The following ANKFN1 variants were observed in gnomAD, a reference collection of about 807,000 sequenced individuals.
ANKFN1 encodes ankyrin repeat and fibronectin type-III domain-containing protein 1.
Under a neutral mutation model 108.7 loss-of-function variants are expected in ANKFN1, and 74 were observed. The observed-to-expected ratio is 0.68, with a 90% CI of 0.56 to 0.83. The LOEUF (loss-of-function observed/expected upper bound fraction) is 0.83. Among genes scored for constraint, ANKFN1 ranks in the 40% least tolerant of loss-of-function variants. The pLI is 0.00. For synonymous variants in ANKFN1, 547 were observed against 516.2 expected (o/e 1.06, Z -0.81); for missense variants, 1,505 against 1,382.3 (o/e 1.09, Z -1.41).
intron 10 of ANKFN1, among the ~76,000 whole-genome samples, chr17:56,444,623 G>A (rs185517523): frequency 6.6e-6 from 1 of 152,190 alleles, no homozygotes; most frequent in East Asian, 1.9e-4. Context: ...TTTATATGGA[G>A]GGCATTAATC....
intron 5 of ANKFN1, among the ~76,000 whole-genome samples, chr17:56,351,854 AC>A (rs2046256313): frequency 6.6e-6 from 1 of 152,170 alleles, no homozygotes; most frequent in East Asian, 1.9e-4. Context: ...GAGTAATGGC[AC>A]CATTTGTTTG....
At chr17:56,442,192 A>T (rs907422656) in intron 9 of ANKFN1, among the ~76,000 whole-genome samples, 1 of 152,214 alleles carries the variant, frequency 6.6e-6, no homozygotes, top group South Asian at 2.1e-4. Flanking sequence ...TAATTTTTTT[A>T]AATGTGTATG....
At chr17:56,399,942 G>GAT (rs199737908) in intron 8 of ANKFN1, among the ~76,000 whole-genome samples, 7,349 of 143,610 alleles carry the variant, frequency 0.051, 415 homozygotes, top group African/African-American at 0.14. Context: ...TATATACAGT[G>GAT]ATATATATAT....
chr17:56,050,265 G>T lies in ANKFN1; in HGVS notation c.288+3940G>T, dbSNP rs1236595561. 4.4e-3 allele frequency among the ~76,000 whole-genome samples: 658 copies of T among 148,160 alleles called. 6 individuals are homozygous for T. Among genetic ancestry groups the T allele is most frequent in the Non-Finnish European group, 5.7e-3 (379 of 66,836 alleles). On this transcript the variant is annotated intron_variant, in intron 4 of 12. Transcript: ENST00000635860. ...TTTGTTTTTTTCTTGTAAATTTGTT[G>T]GAGTTCATTGTAGATTCTGGATATT...
chr17:56,212,834 A>G, intron 2 of ANKFN1, among the ~76,000 whole-genome samples, 155 bp downstream of exon 2: 1 of 152,124 alleles, frequency 6.6e-6, no homozygotes. Flanking sequence ...CATGGAATTT[A>G]GCTGGTGTTT....
rs749295307 is a variant in ANKFN1, at chr17:56,480,816, C to G, written c.2089C>G (p.Gln697Glu). ...TCAGCAGATCAATATACCTCTACAC[C>G]AGGTACTAGACTTTACCATTTTTAT... ...LLQQINIPLH[Q>E]ARNFRLYTQE... The change falls in exon 17 of 21, where the codon CAG becomes GAG. Residue 697 changes from glutamine (Q) to glutamate (E), a missense_variant and splice_region_variant. Physicochemically the swap from Gln to Glu is conservative, Grantham distance 29. Transcript: ENST00000682825. 2 of 1,613,378 alleles carry G rather than the reference C, an allele frequency of 1.2e-6. No homozygotes were observed. The highest frequency in any genetic ancestry group is 1.3e-5 in the African/African-American group (1 of 74,824).
At position 56,420,801 on chromosome 17, in the gene ANKFN1, G is replaced by A. The variant is rs192178891; in HGVS notation, c.911-19526G>A. On this transcript the variant is annotated intron_variant, in intron 8 of 20. Coordinates refer to ENST00000682825, the MANE Select transcript of ANKFN1 (RefSeq NM_001370326.1). The stretch of plus-strand genomic sequence containing the variant: ...CGGCTCACTGCAAGCTCTGCCTGCC[G>A]GGTTCATGCCATTCTCCTGCCTCAG... Among the ~76,000 whole-genome samples the A allele has an allele frequency of 5.4e-3, 810 of 151,172 alleles. 18 individuals are homozygous for A. The highest frequency in any genetic ancestry group is 3.1e-3 in the Non-Finnish European group (211 of 67,882).
chr17:56,143,802 G>A (rs1021031777), intron 4 of ANKFN1, among the ~76,000 whole-genome samples: 6 of 152,028 alleles, frequency 3.9e-5, no homozygotes, highest in Non-Finnish European at 5.9e-5. Context: ...TTGGAATTAC[G>A]CAGCTACAAG....
chr17:56,080,565 G>A (rs2143162951), intron 4 of ANKFN1, among the ~76,000 whole-genome samples: 1 of 152,296 alleles, frequency 6.6e-6, no homozygotes, highest in African/African-American at 2.4e-5. Context: ...TCCATTCTCA[G>A]AATGTTATAC....
chr17:56,447,925 T>C (rs138978721), intron 10 of ANKFN1, among the ~76,000 whole-genome samples: 152 of 152,352 alleles, frequency 1.0e-3, no homozygotes, highest in African/African-American at 3.5e-3. Flanking sequence ...TCAGAACCTA[T>C]GGTCCTCCTA....
intron 8 of ANKFN1, among the ~76,000 whole-genome samples, chr17:56,426,092 T>C (rs2068802926): frequency 6.6e-6 from 1 of 152,242 alleles, no homozygotes; most frequent in South Asian, 2.1e-4. Flanking sequence ...TTATGTTTAT[T>C]TGGAAGCTAT....
chr17:56,128,673 G>A (rs1354867110), intron 4 of ANKFN1, among the ~76,000 whole-genome samples: 1 of 152,160 alleles, frequency 6.6e-6, no homozygotes, highest in Admixed American at 6.5e-5. Flanking sequence ...ATTTCCCAAG[G>A]CAGTAGTAAA....
chr17:56,290,936 G>A (rs1011576626), intron 3 of ANKFN1, among the ~76,000 whole-genome samples: 6 of 152,154 alleles, frequency 3.9e-5, no homozygotes, highest in African/African-American at 1.2e-4. Context: ...TCCAAGCCAT[G>A]AGGGACTGGA....
intron 14 of ANKFN1, among the ~76,000 whole-genome samples, chr17:56,464,163 A>G (rs1407045146): frequency 1.3e-5 from 2 of 152,194 alleles, no homozygotes; most frequent in Non-Finnish European, 2.9e-5. Flanking sequence ...AAAGCTAGCT[A>G]TCCAACCTAA....
intron 9 of ANKFN1, among the ~76,000 whole-genome samples, chr17:56,441,742 A>G (rs1409350790): frequency 1.3e-5 from 2 of 152,258 alleles, no homozygotes; most frequent in East Asian, 3.8e-4. Context: ...AAATGCAGAC[A>G]CTATTGTAAT....
At chr17:56,280,947 A>G (rs1317962501) in intron 3 of ANKFN1, among the ~76,000 whole-genome samples, 1 of 152,078 alleles carries the variant, frequency 6.6e-6, no homozygotes, top group Non-Finnish European at 1.5e-5. Flanking sequence ...GTCTCATGAG[A>G]TCTGATGGTT....
At chr17:56,114,421 G>A (rs76555323) in intron 4 of ANKFN1, among the ~76,000 whole-genome samples, 40 of 152,240 alleles carry the variant, frequency 2.6e-4, no homozygotes, top group African/African-American at 9.4e-4. Context: ...CTAGTCCTTC[G>A]TTTATGCAGT....
chr17:56,196,085 G>A (rs1913478597), intron 1 of ANKFN1, among the ~76,000 whole-genome samples: 1 of 151,982 alleles, frequency 6.6e-6, no homozygotes, highest in South Asian at 2.1e-4. Flanking sequence ...TGGACAACAT[G>A]GCAAAACCAC....
chr17:56,464,838 G>A (rs1414601260), intron 14 of ANKFN1, among the ~76,000 whole-genome samples: 4 of 152,122 alleles, frequency 2.6e-5, no homozygotes, highest in African/African-American at 9.7e-5. Context: ...GACCAGAGAG[G>A]GTAAATAATT....
Sources: allele counts gnomAD v4.1 joint callset (sites outside exome capture counted in the v4.1 genomes callset), GRCh38; gene constraint gnomAD v4.1.1; transcripts MANE v1.5; gene names NCBI Gene and HGNC (gene_info 2026-07-23, HGNC 2026-07-21).